Variants in PTPRT observed in about 807,000 individuals in gnomAD.
PTPRT encodes protein tyrosine phosphatase receptor type T, also known as receptor-type tyrosine-protein phosphatase T.
A neutral mutation model predicts 176.8 loss-of-function variants in PTPRT; 56 were observed. The observed-to-expected ratio is 0.32, with a 90% confidence interval of 0.26 to 0.40. The LOEUF is 0.40. Among genes scored for constraint, PTPRT ranks in the 10% least tolerant of loss-of-function variants. The pLI, the probability that PTPRT is intolerant of heterozygous loss-of-function variation, is 1.00. For missense variants in PTPRT, 1,540 were observed against 1,908.2 expected (o/e 0.81, Z 3.60); for synonymous variants, 783 against 739.0 (o/e 1.06, Z -0.96).
At chr20:42,569,812 C>A (rs796078284) in intron 7 of PTPRT, among the ~76,000 whole-genome samples, 3 of 152,114 alleles carry the variant, frequency 2.0e-5, no homozygotes, top group African/African-American at 7.2e-5. Context: ...CCCAAGAAGA[C>A]GTTTATCATC....
intron 19 of PTPRT, among the ~76,000 whole-genome samples, chr20:42,122,349 G>A (rs1191836771): frequency 6.6e-6 from 1 of 152,076 alleles, no homozygotes; most frequent in Non-Finnish European, 1.5e-5. Context: ...TGCCTATCAA[G>A]ACTAAAAGTG....
intron 9 of PTPRT, among the ~76,000 whole-genome samples, chr20:42,417,104 G>C (rs1020944088): frequency 7.9e-5 from 12 of 152,172 alleles, no homozygotes; most frequent in African/African-American, 2.9e-4. Context: ...CAAGTAAAGG[G>C]CCCTGTACAG....
chr20:42,582,340 C>T (rs765359455), intron 7 of PTPRT, among the ~76,000 whole-genome samples: 4 of 152,098 alleles, frequency 2.6e-5, no homozygotes, highest in African/African-American at 4.8e-5. Flanking sequence ...GTTGGCCAGA[C>T]GAAGCTCTGA....
At chr20:43,013,372 C>A (rs2146157396) in intron 1 of PTPRT, among the ~76,000 whole-genome samples, 1 of 152,288 alleles carries the variant, frequency 6.6e-6, no homozygotes, top group Non-Finnish European at 1.5e-5. Context: ...AAGCAACCAG[C>A]AAACCAGCCA....
intron 5 of PTPRT, among the ~76,000 whole-genome samples, chr20:42,757,886 T>A (rs2076858779): frequency 6.6e-6 from 1 of 152,210 alleles, no homozygotes; most frequent in South Asian, 2.1e-4. Context: ...TTATTAATGT[T>A]ATTAACTGGA....
At chr20:42,934,411 A>G (rs1225112189) in intron 1 of PTPRT, among the ~76,000 whole-genome samples, 1 of 152,242 alleles carries the variant, frequency 6.6e-6, no homozygotes, top group South Asian at 2.1e-4. Flanking sequence ...GAGCAGTTTA[A>G]AACAGTATAC....
At chr20:42,085,700 C>T (rs1290993115) in intron 28 of PTPRT, 28 bp downstream of exon 28, 1 of 1,612,550 alleles carries the variant, frequency 6.2e-7, no homozygotes, top group Non-Finnish European at 8.5e-7. Context: ...AGGAGGGGCT[C>T]AGCAAGCAAT....
intron 2 of PTPRT, among the ~76,000 whole-genome samples, chr20:42,879,580 C>T (rs910302765): frequency 6.6e-6 from 1 of 152,138 alleles, no homozygotes; most frequent in African/African-American, 2.4e-5. Flanking sequence ...TTAGGAGACA[C>T]CATTCAACCC....
chr20:42,554,678 C>T (rs1353204183), intron 7 of PTPRT, among the ~76,000 whole-genome samples: 3 of 152,038 alleles, frequency 2.0e-5, no homozygotes, highest in East Asian at 1.9e-4. Context: ...CCCATAAACC[C>T]GAGGCAATGA....
At chr20:42,256,010 T>C (rs2056632348) in intron 13 of PTPRT, among the ~76,000 whole-genome samples, 1 of 152,184 alleles carries the variant, frequency 6.6e-6, no homozygotes, top group Admixed American at 6.5e-5. Context: ...TGGCTTCTTT[T>C]GTTGAAGAGT....
chr20:42,688,567 G>C (rs1480322136), intron 6 of PTPRT: 1 of 152,134 alleles, frequency 6.6e-6, no homozygotes, highest in East Asian at 1.9e-4. Context: ...GAAATACCTG[G>C]TGTGATTTAG....
intron 9 of PTPRT, among the ~76,000 whole-genome samples, chr20:42,357,435 T>C (rs1278734442): frequency 1.3e-5 from 2 of 152,214 alleles, no homozygotes; most frequent in Non-Finnish European, 2.9e-5. Flanking sequence ...AAATGAATAA[T>C]TAAATTAGCT....
intron 1 of PTPRT, among the ~76,000 whole-genome samples, chr20:43,044,447 A>T (rs984675777): frequency 3.9e-5 from 6 of 151,966 alleles, no homozygotes; most frequent in Admixed American, 3.3e-4. Context: ...CCAATGTGTC[A>T]CTCCTGCTGC....
chr20:42,576,799 C>A (rs771183026), intron 7 of PTPRT, among the ~76,000 whole-genome samples: 17 of 152,118 alleles, frequency 1.1e-4, no homozygotes, highest in Non-Finnish European at 2.4e-4. Flanking sequence ...TATGATTATT[C>A]ATTTATTAAT....
intron 7 of PTPRT, among the ~76,000 whole-genome samples, chr20:42,617,699 T>A (rs2074109509): frequency 7.2e-6 from 1 of 139,816 alleles, no homozygotes; most frequent in South Asian, 2.2e-4. Flanking sequence ...TTTATCCATT[T>A]CTTCTAGATT....
chr20:42,709,439 C>T (rs559866265), intron 6 of PTPRT, among the ~76,000 whole-genome samples: 1 of 152,306 alleles, frequency 6.6e-6, no homozygotes, highest in Non-Finnish European at 1.5e-5. Context: ...CCCTTGCTCC[C>T]TTTCTTGCCA....
the PTPRT span, among the ~76,000 whole-genome samples, chr20:42,062,880 C>T: frequency 6.6e-6 from 1 of 152,170 alleles, no homozygotes; most frequent in Admixed American, 6.5e-5. Flanking sequence ...CTGAGCTATG[C>T]TGCCTGTGTC....
chr20:42,785,514 T>C (rs1001860174), intron 3 of PTPRT, among the ~76,000 whole-genome samples: 1 of 152,210 alleles, frequency 6.6e-6, no homozygotes, highest in African/African-American at 2.4e-5. Context: ...TATGTGTATA[T>C]GTGCAAGTAT....
chr20:43,008,587 G>A (rs552578549), intron 1 of PTPRT, among the ~76,000 whole-genome samples: 1 of 151,720 alleles, frequency 6.6e-6, no homozygotes, highest in Non-Finnish European at 1.5e-5. Context: ...GCTACTTGAG[G>A]GTCTGAGGTG....
Sources: gnomAD v4.1 joint callset for allele counts (sites outside exome capture counted in the v4.1 genomes callset) on GRCh38, gnomAD v4.1.1 for gene constraint, MANE v1.5 for transcripts, NCBI Gene and HGNC (gene_info 2026-07-23, HGNC 2026-07-21) for gene names.